SH2D2A: variants seen among roughly 807,000 people sequenced by gnomAD.
SH2D2A encodes SH2 domain-containing protein 2A.
In SH2D2A, 33 loss-of-function variants were observed where a neutral mutation model predicts 43.6. The observed-to-expected ratio is 0.76, with a 90% CI of 0.57 to 1.01. SH2D2A has a LOEUF of 1.01. SH2D2A is among the 50% of genes least tolerant of loss of function. The pLI is 0.00. For missense variants in SH2D2A, 491 were observed against 503.1 expected (o/e 0.98, Z 0.23); for synonymous variants, 212 against 206.1 (o/e 1.03, Z -0.25).
In SH2D2A at chr1:156,816,684, A is replaced by G. The variant is rs754078455; in HGVS notation, c.25T>C (p.Cys9Arg). 9.4e-6 allele frequency: 15 copies of G among 1,601,790 alleles called. No homozygotes were observed. Among genetic ancestry groups the G allele is most frequent in the African/African-American group, 2.7e-5 (2 of 74,142 alleles). MEFPLAQICPQGSHEAPIP... is the reference protein window; with the variant it reads MEFPLAQIRPQGSHEAPIP... ...TCAACTTCACACTTACCTTGGGGAC[A>G]TATCTGGGCCAGGGGGAACTCCATG... Residue 9 changes from cysteine to arginine, a missense_variant, in exon 1 of 9, where the codon TGT becomes CGT. Coordinates refer to ENST00000368199, the MANE Select transcript of SH2D2A (RefSeq NM_003975.4).
chr1:156,816,206 C>A (rs1431218175), intron 1 of SH2D2A, 112 bp from the exon 2 acceptor site: 7 of 1,458,490 alleles, frequency 4.8e-6, no homozygotes, highest in Non-Finnish European at 6.3e-6. Context: ...ACAGTCTTAA[C>A]GACAGGAAAA....
intron 4 of SH2D2A, 84 bp from the exon 5 acceptor site, chr1:156,814,100 G>T: frequency 6.6e-7 from 1 of 1,515,832 alleles, no homozygotes; most frequent in Non-Finnish European, 8.8e-7. Flanking sequence ...ACCTTCAGCA[G>T]CCCGGGGAAT....
chr1:156,806,821 G>A (rs900437974), intron 8 of SH2D2A, among the ~76,000 whole-genome samples: 4 of 152,154 alleles, frequency 2.6e-5, no homozygotes, highest in African/African-American at 9.7e-5. Context: ...TTTCTTCTCC[G>A]CATAGTGAGG....
rs1653048009 is a variant in SH2D2A at position 156,807,350 on chromosome 1, A to G, written c.1003-5T>C. ...CAGCTGGGAGCCACCTGTATTCTGC[A>G]GAGAGAAGGACAGTTCTAGGTCACA... On this transcript the variant is annotated splice_region_variant and splice_polypyrimidine_tract_variant and intron_variant, in intron 7 of 8. Coordinates refer to ENST00000368199, the MANE Select transcript of SH2D2A (RefSeq NM_003975.4). This position sits in a 1 kb window ranked among gnomAD's most constrained non-coding sequence, Gnocchi z 5.1. The G allele has an allele frequency of 2.6e-6, 4 of 1,532,242 alleles. No homozygotes were observed. The African/African-American group carries it at 5.4e-5, about 21-fold the overall frequency. 94.9% of individuals were successfully genotyped at this position (1,532,242 alleles called of 1,614,324 possible).
intron 1 of SH2D2A, 112 bp from the exon 2 acceptor site, chr1:156,816,206 C>T (rs1431218175): frequency 2.8e-5 from 41 of 1,458,490 alleles, no homozygotes; most frequent in Middle Eastern, 1.8e-4. Flanking sequence ...ACAGTCTTAA[C>T]GACAGGAAAA....
rs1239432872 is a variant in SH2D2A, at chr1:156,814,258, C to T, written c.345G>A (p.Gly115=). The change falls in exon 4 of 9, where the codon GGG becomes GGA. Residue 115 remains glycine (G), a synonymous_variant. Coordinates refer to ENST00000368199, the MANE Select transcript of SH2D2A (RefSeq NM_003975.4). ...TCTCGCTGAACCGCACCAAGTAGCA[C>T]CCCTGAGGCTTGGGCTCCAGCAGCC... ...AERLLEPKPQ[G]CYLVRFSESA... is the part of the protein sequence containing the mutation. 6.2e-7 allele frequency: 1 copy of T among 1,614,004 alleles called. No homozygotes were observed. The highest frequency in any genetic ancestry group is 1.1e-5 in the South Asian group (1 of 91,088).
rs1048766093 is a variant in SH2D2A, at chr1:156,809,570, C to A, written c.715-80G>T. 2.0e-5 allele frequency: 31 copies of A among 1,554,330 alleles called. No homozygotes were observed. The highest frequency in any genetic ancestry group is 1.7e-6 in the Non-Finnish European group (2 of 1,150,808). ...CCCCAGCCTAACTCCCAGCCTGAGC[C>A]TCTGCCCCCGCTAGGCCCCTCCTCC... On this transcript the variant is annotated intron_variant, in intron 6 of 8. Transcript: ENST00000368199. This position sits in a 1 kb window ranked among gnomAD's most constrained non-coding sequence, Gnocchi z 4.8.
chr1:156,814,984 A>T (rs1571624724), intron 3 of SH2D2A, 53 bp downstream of exon 3: 1 of 1,410,992 alleles, frequency 7.1e-7, no homozygotes, highest in South Asian at 1.6e-5. Context: ...CAGGACCCAG[A>T]CCCAGGACTT....
Position 156,809,436 on chromosome 1 carries a change from G to C in SH2D2A, c.769C>G (p.Pro257Ala). Residue 257 changes from proline to alanine, a missense_variant, in exon 7 of 9, where the codon CCA becomes GCA. Physicochemically the swap from Pro to Ala is conservative, Grantham distance 27. Transcript: ENST00000368199. This position sits in a 1 kb window ranked among gnomAD's most constrained non-coding sequence, Gnocchi z 4.8. ...GGAACAGGGATTGTGTAGACTTCTG[G>C]GGGCAGCTGAGGTTTGGCGGGGATG... is the stretch of plus-strand genomic sequence containing the variant. ...PPIPAKPQLP[P>A]EVYTIPVPRH... 2 of 1,612,970 alleles carry C rather than the reference G, an allele frequency of 1.2e-6. No homozygotes were observed. The highest frequency in any genetic ancestry group is 2.2e-5 in the South Asian group (2 of 91,054).
chr1:156,815,826 G>A, intron 2 of SH2D2A, 180 bp downstream of exon 2: 1 of 1,614,178 alleles, frequency 6.2e-7, no homozygotes, highest in East Asian at 2.2e-5. Context: ...GGGCAACTCG[G>A]CGCATGAAGG....
At position 156,814,424 on chromosome 1, in the gene SH2D2A, C is replaced by T. The variant is rs913001721; in HGVS notation, c.309-130G>A. 1.4e-5 allele frequency: 20 copies of T among 1,469,752 alleles called. No homozygotes were observed. The South Asian group carries it at 2.0e-4, about 15-fold the overall frequency. 91.0% of individuals were successfully genotyped at this position (1,469,752 alleles called of 1,614,324 possible). The stretch of plus-strand genomic sequence containing the variant: ...TGGAGCGGCTAGAGAAAGGCTAGGG[C>T]GGAGATGGGGAGAGAGAGCACGTGG... On this transcript the variant is annotated intron_variant, in intron 3 of 8. Coordinates refer to ENST00000368199, the MANE Select transcript of SH2D2A (RefSeq NM_003975.4).
At chr1:156,815,337 G>A in intron 2 of SH2D2A, 116 bp from the exon 3 acceptor site, 1 of 784,622 alleles carries the variant, frequency 1.3e-6, no homozygotes, top group South Asian at 2.3e-5. Context: ...GTCTATTTTA[G>A]GGTACAATTG....
intron 8 of SH2D2A, 54 bp from the exon 9 acceptor site, chr1:156,806,627 C>T (rs1652986498): frequency 6.3e-6 from 1 of 158,468 alleles, no homozygotes; most frequent in Non-Finnish European, 1.4e-5. Context: ...CAATGAAGCA[C>T]CCAGGCCTCC....
intron 5 of SH2D2A, among the ~76,000 whole-genome samples, chr1:156,811,531 A>C (rs1653421200): frequency 6.6e-6 from 1 of 152,106 alleles, no homozygotes; most frequent in Non-Finnish European, 1.5e-5. Flanking sequence ...CGCCCTGTGA[A>C]TCTCAGGTCT....
At chr1:156,814,645 T>G in intron 3 of SH2D2A, 2 of 400,528 alleles carry the variant, frequency 5.0e-6, no homozygotes, top group Non-Finnish European at 4.5e-6. Flanking sequence ...AACAAAGAGT[T>G]AGGGAGAAAT....
chr1:156,810,262 C>G (rs946482148), intron 5 of SH2D2A, among the ~76,000 whole-genome samples: 2 of 152,214 alleles, frequency 1.3e-5, no homozygotes, highest in African/African-American at 4.8e-5. Flanking sequence ...TGGTCTTGAA[C>G]TCTTGGGTTC....
Position 156,816,790 on chromosome 1 carries a change from T to C in SH2D2A, c.-82A>G. 7.6e-7 allele frequency: 1 copy of C among 1,324,038 alleles called. No homozygotes were observed. Among genetic ancestry groups the C allele is most frequent in the Non-Finnish European group, 1.0e-6 (1 of 981,450 alleles). The allele number at this position is 1,324,038 out of a possible 1,614,324, so 82.0% of individuals were successfully genotyped here. On this transcript the variant is annotated 5_prime_UTR_variant, in exon 1 of 9. Transcript: ENST00000368199. ...TGTGCACACTCAGCAACTCATCATC[T>C]CTCCTCTCACCCTGGCCCCGGGGGC...
intron 2 of SH2D2A, 97 bp from the exon 3 acceptor site, chr1:156,815,318 G>C: frequency 1.1e-6 from 1 of 933,820 alleles, no homozygotes. Context: ...CTCATACCCA[G>C]CCTCTCCTGT....
chr1:156,812,124 C>T (rs573623268), intron 5 of SH2D2A, among the ~76,000 whole-genome samples: 3 of 152,094 alleles, frequency 2.0e-5, no homozygotes, highest in Non-Finnish European at 2.9e-5. Flanking sequence ...TCCAATCCCA[C>T]AAAAACCCAG....
Sources: gnomAD v4.1 joint callset for allele counts (sites outside exome capture counted in the v4.1 genomes callset) on GRCh38, gnomAD v4.1.1 for gene constraint, Gnocchi (gnomAD v3.1) non-coding constraint, MANE v1.5 for transcripts, NCBI Gene and HGNC (gene_info 2026-07-23, HGNC 2026-07-21) for gene names.